BTNL3: variants seen among roughly 807,000 people sequenced by gnomAD.
BTNL3 encodes butyrophilin like 3, also known as butyrophilin-like protein 3.
Under a neutral mutation model 40.1 loss-of-function variants are expected in BTNL3, and 20 were observed. The ratio of observed to expected loss-of-function variants is 0.50; its 90% confidence interval spans 0.35 to 0.72. The LOEUF is 0.72. Ranked by LOEUF, BTNL3 falls within the 30% of genes least tolerant of loss-of-function variation. The probability of loss-of-function intolerance (pLI) is 0.01; values close to 1 mark genes in which losing one functional copy is unlikely to be tolerated. For synonymous variants in BTNL3, 179 were observed against 222.1 expected, an observed-to-expected ratio of 0.81 and a Z score of 1.73; for missense variants, 449 against 582.2, an observed-to-expected ratio of 0.77 and a Z score of 2.35.
At chr5:181,001,506 G>GGGT (rs1219869251) in intron 3 of BTNL3, among the ~76,000 whole-genome samples, 1 of 128,846 alleles carries the variant, frequency 7.8e-6, no homozygotes, top group African/African-American at 2.7e-5. Context: ...TAGATGGGGG[G>GGGT]GGGTCTCACT....
chr5:181,000,995 TTGTTCA>T (rs1561960360), intron 3 of BTNL3, among the ~76,000 whole-genome samples: 2 of 135,146 alleles, frequency 1.5e-5, no homozygotes, highest in East Asian at 4.4e-4. Context: ...TAAATGGCCA[TTGTTCA>T]CAGTTTATAT....
At chr5:180,991,050 G>C (rs2113074286) in intron 1 of BTNL3, among the ~76,000 whole-genome samples, 1 of 137,106 alleles carries the variant, frequency 7.3e-6, no homozygotes, top group African/African-American at 2.5e-5. Context: ...CATCAGCAGA[G>C]AGGCAGAGGC....
chr5:181,005,307 C>T (rs1004923715), intron 7 of BTNL3, 27 bp from the exon 8 acceptor site: 28 of 1,606,718 alleles, frequency 1.7e-5, no homozygotes, highest in Non-Finnish European at 2.2e-5. Flanking sequence ...GTAACTCATG[C>T]TTCCTCTCTC....
intron 2 of BTNL3, among the ~76,000 whole-genome samples, chr5:180,994,146 A>C (rs1266596066): frequency 7.3e-6 from 1 of 137,278 alleles, no homozygotes; most frequent in East Asian, 2.1e-4. Flanking sequence ...AATCTATTGT[A>C]GTTTTCCTTA....
chr5:180,995,545 C>T lies in BTNL3; in HGVS notation c.398-1668C>T, dbSNP rs1388448144. ...GGTCTACTTTGCTTAACTGATGTCA[C>T]TGGAGATTCTGCTCATCCTTTCTAG... On this transcript the variant is annotated intron_variant, in intron 2 of 7. Coordinates refer to ENST00000342868, the MANE Select transcript of BTNL3 (RefSeq NM_197975.3). Among the ~76,000 whole-genome samples, 3 of 136,826 alleles carry T rather than the reference C, an allele frequency of 2.2e-5. 1 individual carries two copies. Among genetic ancestry groups the T allele is most frequent in the Non-Finnish European group, 5.0e-5 (3 of 59,834 alleles). The allele number at this position is 136,826 out of a possible 152,430, so 89.8% of individuals were successfully genotyped here. A position where few individuals can be genotyped will look rare whatever the true frequency, so the allele number is the denominator to read the frequency against.
chr5:180,994,978 G>A (rs1020900979), intron 2 of BTNL3, among the ~76,000 whole-genome samples: 1 of 134,644 alleles, frequency 7.4e-6, no homozygotes, highest in African/African-American at 2.5e-5. Context: ...TAGTAGAGAC[G>A]GGGTTTCACC....
Position 180,991,230 on chromosome 5 carries a change from T to C in BTNL3, c.50-1583T>C, listed in dbSNP as rs1490368927. Among the ~76,000 whole-genome samples, 2 of 137,626 alleles carry C rather than the reference T, an allele frequency of 1.5e-5. 1 individual carries two copies. Among genetic ancestry groups the C allele is most frequent in the Non-Finnish European group, 3.3e-5 (2 of 60,072 alleles). The allele number at this position is 137,626 out of a possible 152,430, so 90.3% of individuals were successfully genotyped here. On this transcript the variant is annotated intron_variant, in intron 1 of 7. Transcript: ENST00000342868. Reference sequence around the variant, plus strand: ...CCTCACTTAATAATGCTCTTAAAGATGCATGAGTGAAATACATTTCAGCAA... The same window carrying C: ...CCTCACTTAATAATGCTCTTAAAGACGCATGAGTGAAATACATTTCAGCAA...
At chr5:181,005,262 G>C (rs1038834883) in intron 7 of BTNL3, 72 bp from the exon 8 acceptor site, 14 of 1,590,994 alleles carry the variant, frequency 8.8e-6, no homozygotes, top group Middle Eastern at 4.6e-4. Flanking sequence ...CAGTGGGAGG[G>C]TCGACCTCTT....
chr5:180,988,889 G>A lies in BTNL3; in HGVS notation c.-140G>A. 2.9e-6 allele frequency: 3 copies of A among 1,017,274 alleles called. No individual in the cohort carries two copies. The highest frequency in any genetic ancestry group is 1.4e-6 in the Non-Finnish European group (1 of 704,198). 63.0% of individuals were successfully genotyped at this position (1,017,274 alleles called of 1,614,324 possible). A position where few individuals can be genotyped will look rare whatever the true frequency, so the allele number is the denominator to read the frequency against. On this transcript the variant is annotated 5_prime_UTR_variant, in exon 1 of 8. Transcript: ENST00000342868. ...GCCATGTTTAGGGAGGCTCTAGGGA[G>A]AAATGCACAGTTTGACATCGTTCAT...
In BTNL3 at chr5:180,992,463, G is replaced by A. The variant is rs1759981799; in HGVS notation, c.50-350G>A. 1.5e-5 allele frequency among the ~76,000 whole-genome samples: 2 copies of A among 136,796 alleles called. 1 individual carries two copies. The highest frequency in any genetic ancestry group is 5.0e-5 in the African/African-American group (2 of 39,662). 89.7% of individuals were successfully genotyped at this position (136,796 alleles called of 152,430 possible). A position where few individuals can be genotyped will look rare whatever the true frequency, so the allele number is the denominator to read the frequency against. ...TGTTCATTAAGCAGATGGGCAGAGA[G>A]GAGAGCACGTGGAGATAGATTCTCC... On this transcript the variant is annotated intron_variant, in intron 1 of 7. Coordinates refer to ENST00000342868, the MANE Select transcript of BTNL3 (RefSeq NM_197975.3).
chr5:180,997,140 G>A (rs990377144), intron 2 of BTNL3, 73 bp from the exon 3 acceptor site: 1 of 1,453,222 alleles, frequency 6.9e-7, no homozygotes, highest in South Asian at 1.1e-5. Context: ...GTACAGGCTT[G>A]ATGAACCAGA....
intron 2 of BTNL3, among the ~76,000 whole-genome samples, chr5:180,995,046 C>G (rs1760018847): frequency 7.3e-6 from 1 of 136,548 alleles, no homozygotes; most frequent in African/African-American, 2.5e-5. Flanking sequence ...CTTGGCCTCC[C>G]AAAGTGCTGG....
Position 180,992,857 on chromosome 5 carries a change from G to T in BTNL3, c.94G>T (p.Val32Leu). Residue 32 changes from valine (V) to leucine (L), a missense_variant, in exon 2 of 8, where the codon GTG becomes TTG. Coordinates refer to ENST00000342868, the MANE Select transcript of BTNL3 (RefSeq NM_197975.3). ...ACCGGGCAAGTTTGTCCAGGCCTTG[G>T]TGGGGGAGGACGCCGTGTTCTCCTG... ...TGPGKFVQAL[V>L]GEDAVFSCSL... 1 of 1,463,210 alleles carries T rather than the reference G, an allele frequency of 6.8e-7. No homozygotes were observed. The highest frequency in any genetic ancestry group is 9.4e-7 in the Non-Finnish European group (1 of 1,058,920). 90.6% of individuals were successfully genotyped at this position (1,463,210 alleles called of 1,614,324 possible).
In BTNL3 at chr5:181,002,704, G is replaced by A. The variant is rs1247949054; in HGVS notation, c.706G>A (p.Ala236Thr). Reference sequence around the variant, plus strand: ...TTTCCAGCCCTCACCTTGGCGCCTGGCTTCTATTTTACTCGGGTTACTCTG... The same window carrying A: ...TTTCCAGCCCTCACCTTGGCGCCTGACTTCTATTTTACTCGGGTTACTCTG... Reference protein sequence around the residue: ...TFFQPSPWRLASILLGLLCGA... With the variant: ...TFFQPSPWRLTSILLGLLCGA... The change falls in exon 4 of 8, where the codon GCT (alanine) becomes ACT (threonine). Residue 236 changes from alanine (A) to threonine (T), a missense_variant. Ala to Thr is a moderately conservative substitution (Grantham distance 58, BLOSUM62 0). Around this residue, in one of 2 missense-constraint regions of BTNL3, gnomAD observed 323 missense variants for 464.9 expected, o/e 0.69. Transcript: ENST00000342868. 1.4e-6 allele frequency: 2 copies of A among 1,456,362 alleles called. 1 individual carries two copies. Among genetic ancestry groups the A allele is most frequent in the Non-Finnish European group, 1.9e-6 (2 of 1,055,668 alleles). 90.2% of individuals were successfully genotyped at this position (1,456,362 alleles called of 1,614,324 possible). A position where few individuals can be genotyped will look rare whatever the true frequency, so the allele number is the denominator to read the frequency against.
chr5:180,999,526 G>A (rs1011089005), intron 3 of BTNL3, among the ~76,000 whole-genome samples: 2 of 137,226 alleles, frequency 1.5e-5, no homozygotes, highest in African/African-American at 5.0e-5. Flanking sequence ...CAGGACAGGC[G>A]CAGTGGCTCA....
chr5:180,991,270 A>C lies in BTNL3; in HGVS notation c.50-1543A>C, dbSNP rs1041132090. ...CATTTCAGCAAGATTTATAAAATGT[A>C]CTTAAACTTAGAAATAATTAGTGCT... On this transcript the variant is annotated intron_variant, in intron 1 of 7. Coordinates refer to ENST00000342868, the MANE Select transcript of BTNL3 (RefSeq NM_197975.3). Among the ~76,000 whole-genome samples, 4 of 138,218 alleles carry C rather than the reference A, an allele frequency of 2.9e-5. 1 individual carries two copies. The highest frequency in any genetic ancestry group is 7.5e-5 in the African/African-American group (3 of 40,008). The allele number at this position is 138,218 out of a possible 152,430, so 90.7% of individuals were successfully genotyped here.
chr5:180,991,203 C>A (rs936587351), intron 1 of BTNL3, among the ~76,000 whole-genome samples: 2 of 137,408 alleles, frequency 1.5e-5, no homozygotes, highest in African/African-American at 5.0e-5. Context: ...TGCAAAGTCA[C>A]GCCTCACTTA....
At chr5:181,004,603 C>A (rs928165088) in intron 6 of BTNL3, 133 bp from the exon 7 acceptor site, 2 of 1,601,100 alleles carry the variant, frequency 1.2e-6, no homozygotes, top group Non-Finnish European at 1.7e-6. Context: ...GTAGAGAAGC[C>A]CCATAGCCTT....
In BTNL3 at chr5:180,992,800, T is replaced by C. The variant is rs754841769; in HGVS notation, c.50-13T>C. ...GGATTTTGCTCAGTTGTCTGTTATG[T>C]TTCCTCCTATAGGACAGTGGCAAGT... is the stretch of plus-strand genomic sequence containing the variant. On this transcript the variant is annotated splice_polypyrimidine_tract_variant and intron_variant, in intron 1 of 7. Transcript: ENST00000342868. 1 of 1,462,702 alleles carries C rather than the reference T, an allele frequency of 6.8e-7. No homozygotes were observed. The highest frequency in any genetic ancestry group is 9.4e-7 in the Non-Finnish European group (1 of 1,058,850). 90.6% of individuals were successfully genotyped at this position (1,462,702 alleles called of 1,614,324 possible).
Sources: allele counts gnomAD v4.1 joint callset (sites outside exome capture counted in the v4.1 genomes callset), GRCh38; gene constraint gnomAD v4.1.1; regional missense constraint gnomAD v4.1.1; transcripts MANE v1.5; gene names NCBI Gene and HGNC (gene_info 2026-07-23, HGNC 2026-07-21).